Variants in COL4A4 observed in about 807,000 individuals in gnomAD.
The protein encoded by COL4A4 is collagen alpha-4(IV) chain.
COL4A4 carries 105 observed loss-of-function variants against 192.9 expected under a neutral mutation model. The ratio of observed to expected loss-of-function variants is 0.54; its 90% CI spans 0.46 to 0.64. COL4A4 has a LOEUF of 0.64. Among genes scored for constraint, COL4A4 ranks in the 30% least tolerant of loss-of-function variants. The probability of loss-of-function intolerance (pLI) is 0.00; values close to 1 mark genes in which losing one functional copy is unlikely to be tolerated. For missense variants in COL4A4, 1,967 were observed against 2,169.3 expected, an observed-to-expected ratio of 0.91 and a Z score of 1.85; for synonymous variants, 762 against 769.9, an observed-to-expected ratio of 0.99 and a Z score of 0.17.
At chr2:227,010,953 C>T (rs1230498065) in intron 45 of COL4A4, among the ~76,000 whole-genome samples, 2 of 152,312 alleles carry the variant, frequency 1.3e-5, no homozygotes, top group East Asian at 1.9e-4. Context: ...CTTACACCTC[C>T]CAGACCTCTT....
chr2:227,118,658 G>C lies in COL4A4; in HGVS notation c.476C>G (p.Pro159Arg), dbSNP rs2124999218. 6.2e-7 allele frequency: 1 copy of C among 1,613,280 alleles called. No individual in the cohort carries two copies. Among genetic ancestry groups the C allele is most frequent in the African/African-American group, 1.3e-5 (1 of 75,032 alleles). The part of the protein sequence containing the change: ...GFPGGRGALG[P>R]GGPLGHPGEK... ...TGGGTATCTTACTAGGGGGCCTCCT[G>C]GGCCAAGAGCTCCTCTTCCTCCTGG... The change falls in exon 7 of 48, where the codon CCA becomes CGA. Residue 159 changes from proline to arginine, a missense_variant. Coordinates refer to ENST00000396625, the MANE Select transcript of COL4A4 (RefSeq NM_000092.5).
At chr2:227,135,729 G>A (rs375893740) in intron 4 of COL4A4, among the ~76,000 whole-genome samples, 2 of 151,728 alleles carry the variant, frequency 1.3e-5, no homozygotes, top group Non-Finnish European at 2.9e-5. Flanking sequence ...TGTAACCTCC[G>A]CCTCATGGGT....
At chr2:227,076,009 A>C (rs560359188) in intron 25 of COL4A4, among the ~76,000 whole-genome samples, 1 of 152,230 alleles carries the variant, frequency 6.6e-6, no homozygotes, top group Non-Finnish European at 1.5e-5. Context: ...ATGGAAAAAC[A>C]TTATACACTC....
chr2:226,990,925 C>T, the COL4A4 span, among the ~76,000 whole-genome samples: 27 of 152,150 alleles, frequency 1.8e-4, no homozygotes, highest in African/African-American at 6.5e-4. Context: ...TCACCCAGGC[C>T]TGTAAATGTC....
intron 4 of COL4A4, among the ~76,000 whole-genome samples, chr2:227,133,092 C>T (rs568052733): frequency 6.6e-5 from 10 of 152,302 alleles, no homozygotes; most frequent in African/African-American, 2.4e-4. Flanking sequence ...CAGTGTGGCC[C>T]TGCATTTGCT....
intron 4 of COL4A4, among the ~76,000 whole-genome samples, chr2:227,136,984 C>T (rs114484756): frequency 0.015 from 2,222 of 152,240 alleles, 49 homozygotes; most frequent in African/African-American, 0.05. Flanking sequence ...CCTTCTGTTA[C>T]GCACAAGTCA....
chr2:226,995,542 A>G, the COL4A4 span: 1,824 of 1,529,470 alleles, frequency 1.2e-3, 21 homozygotes, highest in African/African-American at 0.022. Flanking sequence ...TTGGGAAGAC[A>G]TGGCCTATTC....
In COL4A4 at chr2:227,101,816, C is replaced by A. The variant is rs760092396; in HGVS notation, c.975+49G>T. Reference sequence around the variant, plus strand: ...ACAACTTCTGAATTATACTAAATTGCATTTACTAATGAAATGTATTTATTA... The same window carrying A: ...ACAACTTCTGAATTATACTAAATTGAATTTACTAATGAAATGTATTTATTA... On this transcript the variant is annotated intron_variant, in intron 16 of 47. Transcript: ENST00000396625. 8.8e-6 allele frequency: 12 copies of A among 1,363,714 alleles called. No individual in the cohort carries two copies. The Admixed American group carries it at 1.1e-4, about 13-fold the overall frequency. The allele number at this position is 1,363,714 out of a possible 1,614,324, so 84.5% of individuals were successfully genotyped here.
intron 44 of COL4A4, among the ~76,000 whole-genome samples, chr2:227,017,244 C>T (rs1965083968): frequency 6.6e-6 from 1 of 152,216 alleles, no homozygotes; most frequent in Non-Finnish European, 1.5e-5. Context: ...GACGTTATCA[C>T]GTGGGCTTTA....
chr2:227,009,032 A>T (rs1023279197), intron 46 of COL4A4, among the ~76,000 whole-genome samples: 1 of 152,216 alleles, frequency 6.6e-6, no homozygotes, highest in Non-Finnish European at 1.5e-5. Context: ...GCAGGAAAGA[A>T]ATTGATGGCA....
At position 227,039,324 on chromosome 2, in the gene COL4A4, G is replaced by A. The variant is rs115643789; in HGVS notation, c.3505+2824C>T. On this transcript the variant is annotated intron_variant, in intron 37 of 47. Transcript: ENST00000396625. ...TGGGACTACAGGCACCCGCCATCAC[G>A]CTCACCTAATTTTTGTATTTTTTTA... Among the ~76,000 whole-genome samples the A allele has an allele frequency of 6.2e-3, 938 of 152,058 alleles. 6 individuals carry two copies. Among genetic ancestry groups the A allele is most frequent in the African/African-American group, 0.022 (895 of 41,482 alleles).
At chr2:227,066,520 G>T (rs961697131) in intron 25 of COL4A4, among the ~76,000 whole-genome samples, 1 of 152,090 alleles carries the variant, frequency 6.6e-6, no homozygotes, top group Non-Finnish European at 1.5e-5. Flanking sequence ...TGGATCTTTC[G>T]GCAGAAACTC....
At chr2:227,110,477 G>C (rs577798322) in intron 9 of COL4A4, among the ~76,000 whole-genome samples, 32 of 152,216 alleles carry the variant, frequency 2.1e-4, no homozygotes, top group African/African-American at 7.7e-4. Context: ...TCTGCCTCCT[G>C]AGTTTTAGCA....
intron 2 of COL4A4, among the ~76,000 whole-genome samples, chr2:227,145,876 T>C (rs1052616230): frequency 5.3e-5 from 8 of 152,242 alleles, no homozygotes; most frequent in South Asian, 2.1e-4. Flanking sequence ...CAAGCCAGGT[T>C]GGCTTTTCAT....
At chr2:227,077,415 C>G (rs759126567) in intron 25 of COL4A4, among the ~76,000 whole-genome samples, 2 of 152,168 alleles carry the variant, frequency 1.3e-5, no homozygotes, top group Non-Finnish European at 2.9e-5. Context: ...ACCGCATGTT[C>G]TCGCTCATAA....
intron 18 of COL4A4, 127 bp from the exon 19 acceptor site, chr2:227,098,925 T>C (rs2060352444): frequency 2.6e-6 from 2 of 757,222 alleles, no homozygotes; most frequent in Non-Finnish European, 4.5e-6. Context: ...TCTCATTACA[T>C]TTAAAACGAA....
intron 22 of COL4A4, among the ~76,000 whole-genome samples, chr2:227,087,893 C>T (rs1453476367): frequency 1.3e-5 from 2 of 152,304 alleles, no homozygotes; most frequent in Non-Finnish European, 2.9e-5. Context: ...CCTGCTCTGC[C>T]CCTCTCTCTC....
intron 25 of COL4A4, among the ~76,000 whole-genome samples, chr2:227,065,653 C>A (rs997972200): frequency 6.6e-6 from 1 of 152,198 alleles, no homozygotes; most frequent in Non-Finnish European, 1.5e-5. Context: ...CTCCAACAGA[C>A]CTGCAGCTGA....
At chr2:227,094,369 A>G in intron 19 of COL4A4, 80 bp from the exon 20 acceptor site, 3 of 1,447,980 alleles carry the variant, frequency 2.1e-6, no homozygotes, top group Non-Finnish European at 2.9e-6. Context: ...ATTGGTACAC[A>G]CTTGCTTAGG....
Sources: gnomAD v4.1 joint callset for allele counts (sites outside exome capture counted in the v4.1 genomes callset) on GRCh38, gnomAD v4.1.1 for gene constraint, MANE v1.5 for transcripts, NCBI Gene and HGNC (gene_info 2026-07-23, HGNC 2026-07-21) for gene names.